Variants in NUP210L observed in about 807,000 individuals in gnomAD.
NUP210L encodes the protein nucleoporin 210 like, also known as nuclear pore membrane glycoprotein 210-like.
NUP210L carries 74 observed loss-of-function variants against 208.5 expected under a neutral mutation model. The observed-to-expected ratio is 0.35, with a 90% CI of 0.29 to 0.43. The LOEUF is 0.43. Among genes scored for constraint, NUP210L ranks in the 20% least tolerant of loss-of-function variants. The probability of loss-of-function intolerance (pLI) is 1.00; values close to 1 mark genes in which losing one functional copy is unlikely to be tolerated. For synonymous variants in NUP210L, 780 were observed against 816.9 expected, an observed-to-expected ratio of 0.95 and a Z score of 0.77; for missense variants, 1,843 against 2,289.4, an observed-to-expected ratio of 0.81 and a Z score of 3.98.
chr1:154,097,242 G>A (rs1263303977), intron 14 of NUP210L, among the ~76,000 whole-genome samples: 3 of 152,112 alleles, frequency 2.0e-5, no homozygotes, highest in Non-Finnish European at 4.4e-5. Context: ...AGGACAAATT[G>A]AGAACTGTAC....
At chr1:154,153,342 C>T (rs1246815704) in intron 1 of NUP210L, among the ~76,000 whole-genome samples, 1 of 152,124 alleles carries the variant, frequency 6.6e-6, no homozygotes, top group African/African-American at 2.4e-5. Flanking sequence ...GACCGAGTCA[C>T]TTTGTTGCCC....
chr1:154,135,916 G>C, exon 7 of NUP210L: 1 of 1,603,672 alleles, frequency 6.2e-7, no homozygotes, highest in South Asian at 1.1e-5. Context: ...GACCCGTTAA[G>C]TGCAACTCTA....
chr1:154,060,892 A>G (rs1654101144), intron 19 of NUP210L, 50 bp downstream of exon 19: 1 of 1,239,860 alleles, frequency 8.1e-7, no homozygotes, highest in Non-Finnish European at 1.2e-6. Flanking sequence ...TAATTTTAAT[A>G]ACTTCCCCTC....
At chr1:153,994,915 G>A (rs1374259770) in intron 38 of NUP210L, among the ~76,000 whole-genome samples, 161 bp downstream of exon 38, 2 of 151,680 alleles carry the variant, frequency 1.3e-5, no homozygotes, top group Non-Finnish European at 2.9e-5. Context: ...GGGAGGCTGA[G>A]GCAGGAGAAT....
chr1:154,099,896 C>G, intron 14 of NUP210L, 102 bp downstream of exon 14: 2 of 1,171,350 alleles, frequency 1.7e-6, no homozygotes, highest in Non-Finnish European at 2.5e-6. Flanking sequence ...ACATAAATGT[C>G]ATTGATCCTT....
intron 16 of NUP210L, among the ~76,000 whole-genome samples, chr1:154,086,261 C>A (rs939625946): frequency 8.7e-5 from 13 of 149,902 alleles, no homozygotes; most frequent in South Asian, 4.3e-4. Context: ...AAAACAAAAC[C>A]AAAACACAAT....
intron 10 of NUP210L, among the ~76,000 whole-genome samples, chr1:154,119,982 A>G (rs1657530620): frequency 6.6e-6 from 1 of 152,198 alleles, no homozygotes; most frequent in Non-Finnish European, 1.5e-5. Flanking sequence ...GACTTCCACA[A>G]TGGTTGAACT....
chr1:154,026,268 A>C (rs1651872179), intron 29 of NUP210L, among the ~76,000 whole-genome samples: 1 of 152,172 alleles, frequency 6.6e-6, no homozygotes, highest in Non-Finnish European at 1.5e-5. Context: ...AAACAATTGA[A>C]AGCAGGTATT....
intron 12 of NUP210L, among the ~76,000 whole-genome samples, chr1:154,107,456 A>G (rs2148075102): frequency 6.7e-6 from 1 of 149,852 alleles, no homozygotes; most frequent in East Asian, 2.0e-4. Flanking sequence ...CCTGGACAAC[A>G]GAGTGAGACT....
chr1:154,094,413 G>A (rs1472697414), intron 15 of NUP210L, among the ~76,000 whole-genome samples: 12 of 152,138 alleles, frequency 7.9e-5, no homozygotes, highest in African/African-American at 1.7e-4. Flanking sequence ...AGCCGAGATC[G>A]TGCCACTGCG....
intron 37 of NUP210L, among the ~76,000 whole-genome samples, chr1:153,998,520 C>A (rs1463490674): frequency 1.4e-5 from 2 of 147,454 alleles, no homozygotes; most frequent in Admixed American, 1.4e-4. Context: ...TGCCACTGCA[C>A]TCCAGACTGG....
chr1:154,046,430 G>C, intron 25 of NUP210L, 61 bp from the exon 26 acceptor site: 2 of 1,325,770 alleles, frequency 1.5e-6, no homozygotes, highest in Non-Finnish European at 2.2e-6. Context: ...GGTGGACAGA[G>C]ATGCTTTTGA....
chr1:154,091,614 T>G (rs1655918820), intron 15 of NUP210L, among the ~76,000 whole-genome samples: 2 of 150,666 alleles, frequency 1.3e-5, no homozygotes, highest in African/African-American at 4.9e-5. Context: ...GATTCTCCTG[T>G]CTCAGCCTCC....
intron 24 of NUP210L, 82 bp from the exon 25 acceptor site, chr1:154,054,489 T>C: frequency 4.4e-6 from 6 of 1,363,662 alleles, no homozygotes; most frequent in Non-Finnish European, 6.2e-6. Flanking sequence ...TCCAAGCAAC[T>C]TGACTTCTTC....
At position 154,112,728 on chromosome 1, in the gene NUP210L, C is replaced by T. The variant is rs147842799; in HGVS notation, c.1620+4997G>A. On this transcript the variant is annotated intron_variant, in intron 12 of 39. Coordinates refer to ENST00000368559, the Ensembl canonical transcript of NUP210L. Reference sequence around the variant, plus strand: ...AAAATTAGCTGAGCATGGTGGTATACATCTGTAGTCCCAGCTACTTGAAAA... The same window carrying T: ...AAAATTAGCTGAGCATGGTGGTATATATCTGTAGTCCCAGCTACTTGAAAA... 1.9e-3 allele frequency among the ~76,000 whole-genome samples: 289 copies of T among 152,006 alleles called. 2 individuals are homozygous for T. Among genetic ancestry groups the T allele is most frequent in the African/African-American group, 6.6e-3 (273 of 41,446 alleles).
At chr1:154,063,238 G>A (rs1269337120) in intron 17 of NUP210L, among the ~76,000 whole-genome samples, 3 of 152,150 alleles carry the variant, frequency 2.0e-5, no homozygotes, top group South Asian at 2.1e-4. Context: ...ATTTTAGACC[G>A]GGAATATAGA....
At chr1:154,112,052 C>A (rs574271405) in intron 12 of NUP210L, among the ~76,000 whole-genome samples, 1 of 151,386 alleles carries the variant, frequency 6.6e-6, no homozygotes, top group African/African-American at 2.5e-5. Flanking sequence ...CTCAACCTCC[C>A]GAGTAGCTGG....
intron 37 of NUP210L, among the ~76,000 whole-genome samples, chr1:153,997,262 CTTT>C (rs11358509): frequency 7.0e-5 from 10 of 143,688 alleles, no homozygotes; most frequent in African/African-American, 1.0e-4. Context: ...TCGCGCTGGC[CTTT>C]TTTTTTTTTT....
chr1:154,083,509 G>C (rs1655460685), intron 16 of NUP210L, among the ~76,000 whole-genome samples: 1 of 152,124 alleles, frequency 6.6e-6, no homozygotes, highest in Admixed American at 6.6e-5. Context: ...TTTGCAACTT[G>C]TGTCTTAGGT....
Sources: gnomAD v4.1 joint callset for allele counts (sites outside exome capture counted in the v4.1 genomes callset) on GRCh38, gnomAD v4.1.1 for gene constraint, MANE v1.5 for transcripts, NCBI Gene and HGNC (gene_info 2026-07-23, HGNC 2026-07-21) for gene names.